The following MYO15A variants were observed in gnomAD, a reference collection of about 807,000 sequenced individuals.
MYO15A encodes the protein unconventional myosin-XV.
MYO15A carries 308 observed loss-of-function variants against 394.6 expected under a neutral mutation model. The observed-to-expected ratio is 0.78, with a 90% confidence interval of 0.71 to 0.86. MYO15A has a LOEUF of 0.86. MYO15A is among the 40% of genes least tolerant of loss of function. The pLI, the probability that MYO15A is intolerant of heterozygous loss-of-function variation, is 0.00. For missense variants in MYO15A, 4,606 were observed against 4,799.1 expected, an observed-to-expected ratio of 0.96 and a Z score of 1.19; for synonymous variants, 1,957 against 2,003.8, an observed-to-expected ratio of 0.98 and a Z score of 0.62.
At chr17:18,177,977 A>T (rs1255906574) in intron 65 of MYO15A, 1 of 152,596 alleles carries the variant, frequency 6.6e-6, no homozygotes, top group Admixed American at 6.5e-5. Flanking sequence ...AGCCTGGGTC[A>T]CTGCCCATTG....
At chr17:18,161,112 G>C in intron 56 of MYO15A, 3 of 815,340 alleles carry the variant, frequency 3.7e-6, no homozygotes, top group South Asian at 2.9e-5. Flanking sequence ...GAAGATGTCT[G>C]GGGCCCCATC....
rs150403702 is a variant in MYO15A at position 18,142,183 on chromosome 17, T to G, written c.5754T>G (p.Ile1918Met). ...TLQRCLRGFF[I>M]KRRFRSLRHK... ...AGCGCTGCCTCCGTGGCTTCTTCAT[T>G]AAGCGGCGATTCCGCTCTCTGCGCC... is the stretch of plus-strand genomic sequence containing the variant. The change falls in exon 24 of 66, where the codon ATT (isoleucine) becomes ATG (methionine). Residue 1918 changes from isoleucine (I) to methionine (M), a missense_variant. Transcript: ENST00000647165. 2.2e-3 allele frequency: 3,529 copies of G among 1,613,798 alleles called. 13 individuals are homozygous for G. Among genetic ancestry groups the G allele is most frequent in the Non-Finnish European group, 2.5e-3 (3,007 of 1,180,024 alleles).
Position 18,177,921 on chromosome 17 carries a change from C to T in MYO15A, c.10492-848C>T, listed in dbSNP as rs191735151. ...AACCACATTCACAGATTGATTTCCG[C>T]AATTCCCTGATGCCTTCCCCTACCC... On this transcript the variant is annotated intron_variant, in intron 65 of 65. Coordinates refer to ENST00000647165, the MANE Select transcript of MYO15A (RefSeq NM_016239.4). The T allele has an allele frequency of 1.2e-3, 183 of 152,418 alleles. 1 individual carries two copies. The Middle Eastern group carries it at 0.014, about 11-fold the overall frequency. The allele number at this position is 152,418 out of a possible 1,614,324, so 9.4% of individuals were successfully genotyped here.
At chr17:18,136,319 C>A in intron 13 of MYO15A, 98 bp from the exon 14 acceptor site, 2 of 1,439,864 alleles carry the variant, frequency 1.4e-6, no homozygotes, top group Non-Finnish European at 9.7e-7. Context: ...ATCCCTCCAG[C>A]CTCCCTTCTC....
In MYO15A at chr17:18,141,660, T is replaced by C. The variant is rs934478809; in HGVS notation, c.5539T>C (p.Cys1847Arg). 11 of 1,613,890 alleles carry C rather than the reference T, an allele frequency of 6.8e-6. No individual in the cohort carries two copies. Among genetic ancestry groups the C allele is most frequent in the Non-Finnish European group, 9.3e-6 (11 of 1,179,994 alleles). The change falls in exon 23 of 66, where the codon TGT becomes CGT. Residue 1847 changes from cysteine to arginine, a missense_variant. Transcript: ENST00000647165. ...CTTTGGGCCCCCTACCAGGTACTGC[T>C]GTCTAGTGGCCCTCAAGCATGACCT... ...PFQGFIDRYC[C>R]LVALKHDLPA...
In MYO15A at chr17:18,148,692, C is replaced by G; in HGVS notation, c.6765-69C>G. The stretch of plus-strand genomic sequence containing the variant: ...TCATGTTTAGGGTCTGGCTTATAAC[C>G]CAGGATCTCCCCAGGTAGTGCCTGA... On this transcript the variant is annotated intron_variant, in intron 32 of 65. Transcript: ENST00000647165. This position sits in a 1 kb window ranked among gnomAD's most constrained non-coding sequence, Gnocchi z 4.8. The G allele has an allele frequency of 6.5e-7, 1 of 1,549,536 alleles. No homozygotes were observed. The highest frequency in any genetic ancestry group is 8.7e-7 in the Non-Finnish European group (1 of 1,145,856).
chr17:18,162,981 C>T (rs1597815800), intron 58 of MYO15A, among the ~76,000 whole-genome samples: 1 of 152,194 alleles, frequency 6.6e-6, no homozygotes, highest in South Asian at 2.1e-4. Context: ...GCCTGGGTGA[C>T]AGAGCGAGAC....
At position 18,120,741 on chromosome 17, in the gene MYO15A, A is replaced by G; in HGVS notation, c.1941A>G (p.Pro647=). The part of the protein sequence containing the change: ...SSNDARRPPA[P]QPAPRTLSHW... ...ACGACGCGCGCCGCCCGCCCGCGCC[A>G]CAGCCCGCGCCCAGGACCCTCTCCC... The change falls in exon 2 of 66, where the codon CCA becomes CCG. Residue 647 remains proline, a synonymous_variant. Transcript: ENST00000647165. 4.1e-6 allele frequency: 6 copies of G among 1,464,822 alleles called. No individual in the cohort carries two copies. The highest frequency in any genetic ancestry group is 5.4e-6 in the Non-Finnish European group (6 of 1,118,884). 90.7% of individuals were successfully genotyped at this position (1,464,822 alleles called of 1,614,324 possible).
chr17:18,161,540 G>T, intron 57 of MYO15A, 93 bp downstream of exon 57: 1 of 1,548,326 alleles, frequency 6.5e-7, no homozygotes, highest in Non-Finnish European at 8.8e-7. Context: ...AGAGGGCCTC[G>T]CTCTTCACAG....
At chr17:18,124,248 A>T in intron 2 of MYO15A, 1 of 599,180 alleles carries the variant, frequency 1.7e-6, no homozygotes, top group Non-Finnish European at 3.1e-6. Context: ...GACACTTGGG[A>T]GCTCATGGGA....
At chr17:18,145,130 T>C (rs1056943086) in intron 29 of MYO15A, among the ~76,000 whole-genome samples, 3 of 152,158 alleles carry the variant, frequency 2.0e-5, no homozygotes, top group African/African-American at 7.2e-5. Flanking sequence ...GACTGGCCAG[T>C]GAGGCCTTGA....
At position 18,163,289 on chromosome 17, in the gene MYO15A, C is replaced by A. The variant is rs1406207324; in HGVS notation, c.9658C>A (p.Leu3220Ile). ...KRQLFLLPGG[L>I]ERHLKIKTCT... ...GCAACTCTTTCTTCTTCCTGGAGGC[C>A]TTGAACGCCATCTCAAAATCAAAAC... Residue 3220 changes from leucine to isoleucine, a missense_variant, in exon 59 of 66, where the codon CTT becomes ATT. Coordinates refer to ENST00000647165, the MANE Select transcript of MYO15A (RefSeq NM_016239.4). 2 of 1,614,104 alleles carry A rather than the reference C, an allele frequency of 1.2e-6. No individual in the cohort carries two copies. The highest frequency in any genetic ancestry group is 1.7e-6 in the Non-Finnish European group (2 of 1,180,038).
Position 18,159,671 on chromosome 17 carries a change from C to T in MYO15A, c.9295C>T (p.Leu3099Phe). 6.2e-7 allele frequency: 1 copy of T among 1,614,176 alleles called. No individual in the cohort carries two copies. Among genetic ancestry groups the T allele is most frequent in the East Asian group, 2.2e-5 (1 of 44,880 alleles). ...GAGTGACCTGGACGTGCTTTGTAAC[C>T]TCCTGAAGGTCAGTCCAGCCAACTT... ...GQSDLDVLCN[L>F]LKLCGDHEVM... Residue 3099 changes from leucine (L) to phenylalanine (F), a missense_variant, in exon 55 of 66, where the codon CTC becomes TTC. This residue lies in a region of MYO15A where 2,776 missense variants were observed against 3,109.3 expected (regional missense o/e 0.89). Coordinates refer to ENST00000647165, the MANE Select transcript of MYO15A (RefSeq NM_016239.4).
At position 18,150,426 on chromosome 17, in the gene MYO15A, C is replaced by T. The variant is rs769254107; in HGVS notation, c.7213-3C>T. 12 of 1,613,772 alleles carry T rather than the reference C, an allele frequency of 7.4e-6. No homozygotes were observed. The highest frequency in any genetic ancestry group is 1.7e-5 in the Admixed American group (1 of 60,002). Reference sequence around the variant, plus strand: ...GGTCACTTGAGCCACCCACTGCCCCCAGGACCTGGAGAAGCCAACAGCCAT... The same window carrying T: ...GGTCACTTGAGCCACCCACTGCCCCTAGGACCTGGAGAAGCCAACAGCCAT... On this transcript the variant is annotated splice_region_variant and splice_polypyrimidine_tract_variant and intron_variant, in intron 35 of 65. Coordinates refer to ENST00000647165, the MANE Select transcript of MYO15A (RefSeq NM_016239.4). This position sits in a 1 kb window ranked among gnomAD's most constrained non-coding sequence, Gnocchi z 4.4.
At position 18,119,226 on chromosome 17, in the gene MYO15A, C is replaced by G; in HGVS notation, c.426C>G (p.Leu142=). The G allele has an allele frequency of 6.2e-7, 1 of 1,612,492 alleles. No individual in the cohort carries two copies. Among genetic ancestry groups the G allele is most frequent in the Non-Finnish European group, 8.5e-7 (1 of 1,179,906 alleles). ...TAINWLTKKF[L]LKKAEESGSE... ...TCAACTGGCTCACAAAAAAGTTCCTCCTCAAGAAGGCCGAGGAGTCGGGCA... is the reference window on the plus strand; with the variant it reads ...TCAACTGGCTCACAAAAAAGTTCCTGCTCAAGAAGGCCGAGGAGTCGGGCA... Residue 142 remains leucine, a synonymous_variant, in exon 2 of 66, where the codon CTC becomes CTG. Coordinates refer to ENST00000647165, the MANE Select transcript of MYO15A (RefSeq NM_016239.4).
intron 59 of MYO15A, 60 bp downstream of exon 59, chr17:18,163,381 A>G: frequency 6.5e-7 from 1 of 1,549,684 alleles, no homozygotes; most frequent in East Asian, 2.2e-5. Flanking sequence ...AGGACAGCCC[A>G]GGCTCCAGGA....
chr17:18,135,192 C>T (rs1055302444), intron 12 of MYO15A, among the ~76,000 whole-genome samples: 7 of 151,644 alleles, frequency 4.6e-5, no homozygotes, highest in South Asian at 4.2e-4. Context: ...TTTTTCGAGA[C>T]GGAGTTTCAC....
intron 7 of MYO15A, among the ~76,000 whole-genome samples, chr17:18,129,459 C>T (rs770056076): frequency 1.3e-5 from 2 of 152,186 alleles, no homozygotes; most frequent in African/African-American, 2.4e-5. Flanking sequence ...TCAGTTTACT[C>T]CTTTATGCAA....
chr17:18,122,132 C>T lies in MYO15A; in HGVS notation c.3332C>T (p.Pro1111Leu). 1 of 1,613,020 alleles carries T rather than the reference C, an allele frequency of 6.2e-7. No individual in the cohort carries two copies. Among genetic ancestry groups the T allele is most frequent in the Non-Finnish European group, 8.5e-7 (1 of 1,180,014 alleles). ...PKGGERRQAA[P>L]GRFAVVMPRV... is the part of the protein sequence containing the mutation. ...GGGGGTGAACGGCGCCAGGCAGCCCCTGGGCGTTTTGCTGTGGTCATGCCT... is the reference window on the plus strand; with the variant it reads ...GGGGGTGAACGGCGCCAGGCAGCCCTTGGGCGTTTTGCTGTGGTCATGCCT... Residue 1111 changes from proline to leucine, a missense_variant, in exon 2 of 66, where the codon CCT becomes CTT. Coordinates refer to ENST00000647165, the MANE Select transcript of MYO15A (RefSeq NM_016239.4).
Sources: allele counts gnomAD v4.1 joint callset (sites outside exome capture counted in the v4.1 genomes callset), GRCh38; gene constraint gnomAD v4.1.1; regional missense constraint gnomAD v4.1.1; non-coding constraint Gnocchi (gnomAD v3.1); transcripts MANE v1.5; gene names NCBI Gene and HGNC (gene_info 2026-07-23, HGNC 2026-07-21).